LRRC28: variants seen among roughly 807,000 people sequenced by gnomAD.
LRRC28 encodes the protein leucine rich repeat containing 28.
A neutral mutation model predicts 45.7 loss-of-function variants in LRRC28; 39 were observed. The observed-to-expected ratio is 0.85, with a 90% confidence interval of 0.66 to 1.12. The LOEUF is 1.12. Ranked by LOEUF, LRRC28 falls within the 50% of genes most tolerant of loss-of-function variation. The pLI is 0.00. For synonymous variants in LRRC28, 206 were observed against 178.8 expected, an observed-to-expected ratio of 1.15 and a Z score of -1.22; for missense variants, 435 against 438.5, an observed-to-expected ratio of 0.99 and a Z score of 0.07.
At chr15:99,302,986 G>A (rs547638012) in intron 5 of LRRC28, among the ~76,000 whole-genome samples, 1 of 152,238 alleles carries the variant, frequency 6.6e-6, no homozygotes, top group South Asian at 2.1e-4. Flanking sequence ...CTTTTTGTAG[G>A]CATATGTTTT....
rs1335776196 is a variant in LRRC28 at position 99,256,088 on chromosome 15, A to G, written c.131A>G (p.Glu44Gly). The G allele has an allele frequency of 3.7e-6, 6 of 1,613,342 alleles. No individual in the cohort carries two copies. Among genetic ancestry groups the G allele is most frequent in the Non-Finnish European group, 4.2e-6 (5 of 1,179,628 alleles). Reference protein sequence around the residue: ...LLKDEGLQYLERLYMKRNSLT... With the variant: ...LLKDEGLQYLGRLYMKRNSLT... ...AAAGATGAGGGACTGCAGTACTTGG[A>G]GAGACTCTATATGAAAAGGAACTCC... The change falls in exon 2 of 10, where the codon GAG becomes GGG. Residue 44 changes from glutamate to glycine, a missense_variant. By Grantham distance (98) the Glu-to-Gly change is moderately conservative (BLOSUM62 -2). Transcript: ENST00000301981.
intron 6 of LRRC28, among the ~76,000 whole-genome samples, chr15:99,337,130 A>G (rs1375425019): frequency 1.3e-5 from 2 of 152,082 alleles, no homozygotes; most frequent in African/African-American, 2.4e-5. Flanking sequence ...CTCCCTCACT[A>G]TAGCTCCTTA....
chr15:99,253,937 C>CT (rs1249094654), intron 1 of LRRC28, among the ~76,000 whole-genome samples: 4 of 152,198 alleles, frequency 2.6e-5, no homozygotes, highest in Non-Finnish European at 5.9e-5. Flanking sequence ...GCTTCTCCGG[C>CT]TTGAGCCACT....
At chr15:99,286,090 C>T (rs35616577) in intron 3 of LRRC28, among the ~76,000 whole-genome samples, 8,416 of 152,274 alleles carry the variant, frequency 0.055, 298 homozygotes, top group Admixed American at 0.11. Context: ...AAGAAAACTT[C>T]TGAATTCTAT....
chr15:99,329,809 G>A (rs536443141), intron 5 of LRRC28, among the ~76,000 whole-genome samples: 39 of 152,284 alleles, frequency 2.6e-4, no homozygotes, highest in Non-Finnish European at 5.0e-4. Context: ...GCAGCTGACT[G>A]CAGTTATAAA....
At chr15:99,267,225 G>A (rs1208041864) in intron 2 of LRRC28, among the ~76,000 whole-genome samples, 2 of 152,150 alleles carry the variant, frequency 1.3e-5, no homozygotes, top group East Asian at 3.9e-4. Context: ...AGGTGAGGGT[G>A]AGAGAGGTTG....
At chr15:99,344,211 A>C (rs910029552) in intron 6 of LRRC28, among the ~76,000 whole-genome samples, 1 of 152,212 alleles carries the variant, frequency 6.6e-6, no homozygotes, top group African/African-American at 2.4e-5. Flanking sequence ...TACGTTGTTT[A>C]ATCTTCATAA....
rs1958085741 is a variant in LRRC28, at chr15:99,388,229, A to T, written c.*2127A>T. ...GACTGCTACCTATGATTTAAGTGACAGTAAATGTCTTGCTACATTTTTCTA... is the reference window on the plus strand; with the variant it reads ...GACTGCTACCTATGATTTAAGTGACTGTAAATGTCTTGCTACATTTTTCTA... On this transcript the variant is annotated 3_prime_UTR_variant, in exon 10 of 10. Transcript: ENST00000301981. 2 of 152,264 alleles carry T rather than the reference A, an allele frequency of 1.3e-5. No homozygotes were observed. The allele number at this position is 152,264 out of a possible 1,614,324, so 9.4% of individuals were successfully genotyped here. A position where few individuals can be genotyped will look rare whatever the true frequency, so the allele number is the denominator to read the frequency against.
At position 99,388,378 on chromosome 15, in the gene LRRC28, C is replaced by T. The variant is rs574757371; in HGVS notation, c.*2276C>T. 2 of 152,330 alleles carry T rather than the reference C, an allele frequency of 1.3e-5. No individual in the cohort carries two copies. Among genetic ancestry groups the T allele is most frequent in the African/African-American group, 4.8e-5 (2 of 41,566 alleles). The allele number at this position is 152,330 out of a possible 1,614,324, so 9.4% of individuals were successfully genotyped here. ...CCTTGTTTGAAATTTTACAAAAATG[C>T]TTACAATCCAGGCATTCTTTCTCTA... On this transcript the variant is annotated 3_prime_UTR_variant, in exon 10 of 10. Transcript: ENST00000301981.
At chr15:99,350,142 C>CAAA (rs71149462) in intron 6 of LRRC28, among the ~76,000 whole-genome samples, 6 of 97,882 alleles carry the variant, frequency 6.1e-5, no homozygotes, top group Admixed American at 2.0e-4. Flanking sequence ...GACTCCGTCT[C>CAAA]AAAAAAAAAA....
chr15:99,348,472 A>G (rs1404461727), intron 6 of LRRC28, among the ~76,000 whole-genome samples: 1 of 152,070 alleles, frequency 6.6e-6, no homozygotes, highest in Non-Finnish European at 1.5e-5. Context: ...TAAGGGTCCA[A>G]TTTTATTCTT....
intron 5 of LRRC28, among the ~76,000 whole-genome samples, chr15:99,293,885 A>G (rs1467262505): frequency 6.6e-6 from 1 of 152,092 alleles, no homozygotes; most frequent in African/African-American, 2.4e-5. Context: ...GCAGTGAACT[A>G]TCTCAGTTTT....
chr15:99,310,247 A>AT (rs1351522938), intron 5 of LRRC28, among the ~76,000 whole-genome samples: 2 of 152,154 alleles, frequency 1.3e-5, no homozygotes, highest in African/African-American at 4.8e-5. Flanking sequence ...TAAAACAACT[A>AT]TTTTTCAGGG....
At chr15:99,377,947 C>A (rs1191072393) in intron 9 of LRRC28, among the ~76,000 whole-genome samples, 2 of 152,094 alleles carry the variant, frequency 1.3e-5, no homozygotes, top group Non-Finnish European at 2.9e-5. Flanking sequence ...TTACTATATC[C>A]TTGTATTATA....
intron 2 of LRRC28, chr15:99,258,484 G>T: frequency 1.3e-6 from 1 of 775,588 alleles, no homozygotes; most frequent in East Asian, 2.5e-5. Flanking sequence ...GACTGAAACT[G>T]TTAAGGAGCC....
chr15:99,368,128 C>G (rs1450327682), intron 9 of LRRC28, among the ~76,000 whole-genome samples: 2 of 152,150 alleles, frequency 1.3e-5, no homozygotes, highest in Non-Finnish European at 2.9e-5. Context: ...TCCTCACATG[C>G]AGAATGAATT....
chr15:99,317,587 A>G (rs1019820531), intron 5 of LRRC28: 8 of 152,176 alleles, frequency 5.3e-5, no homozygotes, highest in Non-Finnish European at 1.0e-4. Flanking sequence ...GTTTTACTTA[A>G]AGTTAATTTA....
intron 2 of LRRC28, among the ~76,000 whole-genome samples, chr15:99,268,584 G>C (rs2081391612): frequency 6.6e-6 from 1 of 152,152 alleles, no homozygotes; most frequent in African/African-American, 2.4e-5. Flanking sequence ...CTAACTGTTA[G>C]TCCCATCGAA....
intron 6 of LRRC28, among the ~76,000 whole-genome samples, chr15:99,339,160 T>G (rs900970677): frequency 6.6e-6 from 1 of 152,194 alleles, no homozygotes. Flanking sequence ...AATGATTTTT[T>G]TCTCTAAGGC....
Sources: allele counts gnomAD v4.1 joint callset (sites outside exome capture counted in the v4.1 genomes callset), GRCh38; gene constraint gnomAD v4.1.1; transcripts MANE v1.5; gene names NCBI Gene and HGNC (gene_info 2026-07-23, HGNC 2026-07-21).